NUBPL: variants seen among roughly 807,000 people sequenced by gnomAD.
The protein encoded by NUBPL is iron-sulfur cluster transfer protein NUBPL.
In NUBPL, 31 loss-of-function variants were observed where a neutral mutation model predicts 45.7. The ratio of observed to expected loss-of-function variants is 0.68; its 90% CI spans 0.51 to 0.92. The LOEUF is 0.92. NUBPL is among the 40% of genes least tolerant of loss of function. NUBPL has a pLI of 0.00. For missense variants in NUBPL, 401 were observed against 398.7 expected, an observed-to-expected ratio of 1.01 and a Z score of -0.05; for synonymous variants, 144 against 140.9, an observed-to-expected ratio of 1.02 and a Z score of -0.15.
chr14:31,689,773 C>A (rs1167508329), intron 6 of NUBPL, among the ~76,000 whole-genome samples: 2 of 152,124 alleles, frequency 1.3e-5, no homozygotes, highest in Non-Finnish European at 2.9e-5. Context: ...AGGTTATCTT[C>A]CAGGGTTTTG....
chr14:31,793,888 A>T (rs1595636179), intron 7 of NUBPL, among the ~76,000 whole-genome samples: 1 of 61,640 alleles, frequency 1.6e-5, no homozygotes, highest in African/African-American at 7.1e-5. Flanking sequence ...CCCTCCCCCG[A>T]CCCCACCACA....
At chr14:31,616,372 T>G (rs2034900249) in intron 4 of NUBPL, among the ~76,000 whole-genome samples, 1 of 152,242 alleles carries the variant, frequency 6.6e-6, no homozygotes, top group Admixed American at 6.5e-5. Context: ...TGGTATTGCC[T>G]AGGTTTTCTT....
At chr14:31,686,166 A>G (rs1023778967) in intron 6 of NUBPL, among the ~76,000 whole-genome samples, 2 of 152,230 alleles carry the variant, frequency 1.3e-5, no homozygotes, top group African/African-American at 4.8e-5. Flanking sequence ...ACTGTTTTCA[A>G]TAACTCTTTG....
At chr14:31,855,437 A>G (rs1451956295) in intron 10 of NUBPL, among the ~76,000 whole-genome samples, 1 of 152,196 alleles carries the variant, frequency 6.6e-6, no homozygotes, top group Non-Finnish European at 1.5e-5. Context: ...CTTTAGAGTC[A>G]GTTGGACCCA....
chr14:31,627,375 A>G (rs1027819655), intron 4 of NUBPL, among the ~76,000 whole-genome samples: 3 of 152,026 alleles, frequency 2.0e-5, no homozygotes, highest in African/African-American at 2.4e-5. Flanking sequence ...TAGAAATGCA[A>G]TGCATTTCGG....
chr14:31,800,367 A>G (rs1372842308), intron 7 of NUBPL, among the ~76,000 whole-genome samples: 1 of 152,226 alleles, frequency 6.6e-6, no homozygotes, highest in East Asian at 1.9e-4. Context: ...TTGCCATCCT[A>G]TTATATGGGT....
At chr14:31,662,096 T>C (rs1056620109) in intron 4 of NUBPL, 14 of 152,008 alleles carry the variant, frequency 9.2e-5, no homozygotes, top group African/African-American at 3.4e-4. Flanking sequence ...GCCATGCTAA[T>C]CTTCTGTATC....
chr14:31,646,692 T>G (rs1385560252), intron 4 of NUBPL, among the ~76,000 whole-genome samples: 14 of 152,152 alleles, frequency 9.2e-5, no homozygotes, highest in Admixed American at 3.3e-4. Context: ...TAGGGTAGTC[T>G]TTTTTGGGTT....
At chr14:31,683,195 A>AC (rs1184446997) in intron 6 of NUBPL, among the ~76,000 whole-genome samples, 1 of 151,788 alleles carries the variant, frequency 6.6e-6, no homozygotes, top group Non-Finnish European at 1.5e-5. Flanking sequence ...GTTTAGAGAG[A>AC]CATCTATCCA....
intron 6 of NUBPL, among the ~76,000 whole-genome samples, chr14:31,676,312 T>C (rs1288094208): frequency 6.6e-6 from 1 of 152,096 alleles, no homozygotes; most frequent in Non-Finnish European, 1.5e-5. Flanking sequence ...CGTGAGCCAC[T>C]GCAACCGTCC....
intron 6 of NUBPL, among the ~76,000 whole-genome samples, chr14:31,689,105 T>TG (rs1384396257): frequency 6.6e-6 from 1 of 152,182 alleles, no homozygotes; most frequent in Non-Finnish European, 1.5e-5. Context: ...CCTTTGCTAT[T>TG]GTGAATAGTG....
intron 4 of NUBPL, among the ~76,000 whole-genome samples, chr14:31,621,348 A>G (rs2035056386): frequency 6.6e-6 from 1 of 152,044 alleles, no homozygotes; most frequent in Admixed American, 6.6e-5. Context: ...AAACTGCTCC[A>G]GGTAGCTCGG....
intron 4 of NUBPL, among the ~76,000 whole-genome samples, chr14:31,661,200 G>A (rs2036260012): frequency 6.6e-6 from 1 of 152,170 alleles, no homozygotes; most frequent in Admixed American, 6.5e-5. Flanking sequence ...TTGACTTACA[G>A]TAAGAATCTT....
At chr14:31,674,927 G>T (rs1053912935) in intron 6 of NUBPL, among the ~76,000 whole-genome samples, 65 of 152,182 alleles carry the variant, frequency 4.3e-4, no homozygotes, top group African/African-American at 1.5e-3. Flanking sequence ...ACGAGGTCAG[G>T]AGATCGAGAC....
At chr14:31,764,479 G>A (rs7148166) in intron 6 of NUBPL, among the ~76,000 whole-genome samples, 78,095 of 151,938 alleles carry the variant, frequency 0.51, 21,732 homozygotes, top group African/African-American at 0.75. Flanking sequence ...AGTCATGACT[G>A]AACTCCATAA....
intron 3 of NUBPL, among the ~76,000 whole-genome samples, chr14:31,573,392 A>G (rs1957810874): frequency 6.6e-6 from 1 of 152,062 alleles, no homozygotes; most frequent in East Asian, 1.9e-4. Context: ...CAGATGCATC[A>G]CCAGCTTGCA....
intron 8 of NUBPL, among the ~76,000 whole-genome samples, chr14:31,828,681 A>G (rs1262422187): frequency 6.6e-5 from 10 of 152,222 alleles, no homozygotes; most frequent in Admixed American, 6.5e-4. Context: ...CTGTGGAGAA[A>G]GTCCTACATG....
intron 6 of NUBPL, among the ~76,000 whole-genome samples, chr14:31,683,287 A>G (rs560352828): frequency 1.3e-5 from 2 of 151,688 alleles, no homozygotes; most frequent in African/African-American, 4.8e-5. Context: ...TACATCCATT[A>G]TAAATCTCAC....
chr14:31,786,896 T>C (rs1372177670), intron 6 of NUBPL, among the ~76,000 whole-genome samples: 1 of 152,164 alleles, frequency 6.6e-6, no homozygotes, highest in Non-Finnish European at 1.5e-5. Context: ...CATTTTTCAG[T>C]GTTGTTAGGA....
Sources: gnomAD v4.1 joint callset for allele counts (sites outside exome capture counted in the v4.1 genomes callset) on GRCh38, gnomAD v4.1.1 for gene constraint, MANE v1.5 for transcripts, NCBI Gene and HGNC (gene_info 2026-07-23, HGNC 2026-07-21) for gene names.